Variants in COL5A2 observed in about 807,000 individuals in gnomAD.
COL5A2 encodes collagen alpha-2(V) chain.
In COL5A2, 23 loss-of-function variants were observed where a neutral mutation model predicts 208.2. The ratio of observed to expected loss-of-function variants is 0.11; its 90% CI spans 0.08 to 0.16. COL5A2 has a LOEUF of 0.16. Among genes scored for constraint, COL5A2 ranks in the 10% least tolerant of loss-of-function variants. The pLI, the probability that COL5A2 is intolerant of heterozygous loss-of-function variation, is 1.00. For synonymous variants in COL5A2, 625 were observed against 628.5 expected, an observed-to-expected ratio of 0.99 and a Z score of 0.08; for missense variants, 1,590 against 1,956.4, an observed-to-expected ratio of 0.81 and a Z score of 3.53.
rs548390165 is a variant in COL5A2 at position 189,118,660 on chromosome 2, C to CT, written c.98-8212dup. Among the ~76,000 whole-genome samples the CT allele has an allele frequency of 3.2e-4, 49 of 152,250 alleles. 1 individual carries two copies. In the South Asian group the frequency reaches 8.3e-3, roughly 26 times the overall value. ...CTAATAGGAATTTAAAGGGATGCCT[C>CT]TTTCTGCATTATTCCCTCTGGAGCT... On this transcript the variant is annotated intron_variant, in intron 1 of 53. Coordinates refer to ENST00000374866, the MANE Select transcript of COL5A2 (RefSeq NM_000393.5).
intron 12 of COL5A2, among the ~76,000 whole-genome samples, chr2:189,083,674 GAA>G (rs376308674): frequency 2.8e-4 from 41 of 145,158 alleles, no homozygotes; most frequent in African/African-American, 8.6e-4. Context: ...CTCATTTTAT[GAA>G]AAAAAAAAAA....
In COL5A2 at chr2:189,060,886, T is replaced by C. The variant is rs78534901; in HGVS notation, c.2032-103A>G. On this transcript the variant is annotated intron_variant, in intron 30 of 53. Coordinates refer to ENST00000374866, the MANE Select transcript of COL5A2 (RefSeq NM_000393.5). ...ACAATTCATGGGGTCTCCAAGACTA[T>C]ATTTTCAATGAAAATATATTGTTCA... 1,622 of 780,720 alleles carry C rather than the reference T, an allele frequency of 2.1e-3. 25 individuals carry two copies. In the East Asian group the frequency reaches 0.032, roughly 16 times the overall value. 48.4% of individuals were successfully genotyped at this position (780,720 alleles called of 1,614,324 possible). A position where few individuals can be genotyped will look rare whatever the true frequency, so the allele number is the denominator to read the frequency against.
At chr2:189,437,118 A>G in the COL5A2 span, among the ~76,000 whole-genome samples, 18 of 152,292 alleles carry the variant, frequency 1.2e-4, no homozygotes, top group African/African-American at 4.3e-4. Flanking sequence ...AAGCAGAATG[A>G]TCTAGGGTAA....
intron 7 of COL5A2, among the ~76,000 whole-genome samples, chr2:189,089,591 A>G (rs1686738664): frequency 6.6e-6 from 1 of 152,140 alleles, no homozygotes. Context: ...TGCTTTACCA[A>G]TATTATGTTT....
At chr2:189,125,618 T>C (rs140190598) in intron 1 of COL5A2, among the ~76,000 whole-genome samples, 1 of 152,300 alleles carries the variant, frequency 6.6e-6, no homozygotes, top group African/African-American at 2.4e-5. Context: ...TTCCCTTCCA[T>C]ATGATTTTCT....
chr2:189,078,467 G>A, intron 16 of COL5A2, 49 bp downstream of exon 16: 1 of 1,425,502 alleles, frequency 7.0e-7, no homozygotes, highest in East Asian at 2.3e-5. Flanking sequence ...ATCTGAAAAT[G>A]AATTGAAATA....
At chr2:189,035,819 A>T (rs943643985) in intron 52 of COL5A2, among the ~76,000 whole-genome samples, 4 of 152,114 alleles carry the variant, frequency 2.6e-5, no homozygotes, top group Non-Finnish European at 5.9e-5. Context: ...GGAAAAGGTC[A>T]GAAGCAGAAG....
At chr2:189,086,877 A>G (rs763927680) in intron 8 of COL5A2, 107 bp from the exon 9 acceptor site, 1 of 919,152 alleles carries the variant, frequency 1.1e-6, no homozygotes, top group Non-Finnish European at 1.7e-6. Flanking sequence ...AAGTTTTGAC[A>G]AAGGGGGATG....
the COL5A2 span, among the ~76,000 whole-genome samples, chr2:189,423,633 T>C: frequency 7.0e-4 from 106 of 152,204 alleles, 1 homozygote; most frequent in African/African-American, 2.4e-3. Flanking sequence ...AGGAAATGGA[T>C]AAATTCCTTG....
At chr2:189,077,727 A>T (rs965226193) in intron 16 of COL5A2, among the ~76,000 whole-genome samples, 1 of 152,100 alleles carries the variant, frequency 6.6e-6, no homozygotes, top group African/African-American at 2.4e-5. Flanking sequence ...CAGGGCCCTG[A>T]ATTTGGTATT....
the COL5A2 span, among the ~76,000 whole-genome samples, chr2:189,323,627 C>A: frequency 7.6e-3 from 1,163 of 152,172 alleles, 59 homozygotes; most frequent in Admixed American, 0.069. Context: ...ATGTGAAGGA[C>A]CTTTTCAAGG....
Position 189,052,907 on chromosome 2 carries a change from T to C in COL5A2, c.2661+4A>G. On this transcript the variant is annotated splice_donor_region_variant and intron_variant, in intron 39 of 53. Coordinates refer to ENST00000374866, the MANE Select transcript of COL5A2 (RefSeq NM_000393.5). The stretch of plus-strand genomic sequence containing the variant: ...CAAGTTATGCCTTTTTCTTGTTAAC[T>C]TACATGAGGGCCAGGGGATCCTGCT... The C allele has an allele frequency of 6.2e-7, 1 of 1,613,912 alleles. No homozygotes were observed. The highest frequency in any genetic ancestry group is 8.5e-7 in the Non-Finnish European group (1 of 1,179,850).
the COL5A2 span, among the ~76,000 whole-genome samples, chr2:189,262,336 C>T: frequency 1.3e-5 from 2 of 151,838 alleles, no homozygotes; most frequent in Admixed American, 1.3e-4. Flanking sequence ...CCATTATAAA[C>T]AAACACACAC....
intron 1 of COL5A2, among the ~76,000 whole-genome samples, chr2:189,133,329 C>T (rs968722571): frequency 5.3e-5 from 8 of 151,630 alleles, no homozygotes; most frequent in African/African-American, 1.9e-4. Flanking sequence ...CCATGTTGGC[C>T]AGGATGATCT....
chr2:189,413,425 GA>G, the COL5A2 span, among the ~76,000 whole-genome samples: 1 of 151,940 alleles, frequency 6.6e-6, no homozygotes, highest in African/African-American at 2.4e-5. Context: ...AATCTCCAGG[GA>G]AAAAAAATTA....
intron 41 of COL5A2, 71 bp downstream of exon 41, chr2:189,052,101 T>G: frequency 7.9e-7 from 1 of 1,266,684 alleles, no homozygotes; most frequent in Non-Finnish European, 1.1e-6. Flanking sequence ...AAATAATAAA[T>G]TTAACTCAAA....
chr2:189,296,526 G>C, the COL5A2 span, among the ~76,000 whole-genome samples: 1 of 152,180 alleles, frequency 6.6e-6, no homozygotes, highest in Non-Finnish European at 1.5e-5. Context: ...AGCTATTACT[G>C]ATTATAAATG....
intron 35 of COL5A2, 85 bp downstream of exon 35, chr2:189,056,888 C>G: frequency 7.6e-7 from 1 of 1,315,218 alleles, no homozygotes; most frequent in Non-Finnish European, 1.1e-6. Flanking sequence ...ACATGACTGA[C>G]TTTATTTTGG....
chr2:189,436,848 C>G, the COL5A2 span, among the ~76,000 whole-genome samples: 2 of 152,034 alleles, frequency 1.3e-5, no homozygotes, highest in Non-Finnish European at 2.9e-5. Flanking sequence ...TGGGGCCTGT[C>G]GCAGGGGTGG....
Sources: gnomAD v4.1 joint callset for allele counts (sites outside exome capture counted in the v4.1 genomes callset) on GRCh38, gnomAD v4.1.1 for gene constraint, MANE v1.5 for transcripts, NCBI Gene and HGNC (gene_info 2026-07-23, HGNC 2026-07-21) for gene names.